HTR1E: variants seen among roughly 807,000 people sequenced by gnomAD.
HTR1E encodes the protein 5-hydroxytryptamine receptor 1E.
Under a neutral mutation model 3.4 loss-of-function variants are expected in HTR1E, and 3 were observed. That is an observed-to-expected ratio of 0.89 (90% CI 0.41 to 2.31). The LOEUF (loss-of-function observed/expected upper bound fraction) is 2.31, where lower values mean the gene tolerates loss of function less well. HTR1E is among the 30% of genes most tolerant of loss of function. HTR1E has a pLI of 0.05. For synonymous variants in HTR1E, 170 were observed against 182.8 expected, an observed-to-expected ratio of 0.93 and a Z score of 0.56; for missense variants, 392 against 467.0, an observed-to-expected ratio of 0.84 and a Z score of 1.48.
At chr6:86,972,943 G>GGTTTC (rs1767580562) in intron 1 of HTR1E, among the ~76,000 whole-genome samples, 1 of 152,160 alleles carries the variant, frequency 6.6e-6, no homozygotes, top group African/African-American at 2.4e-5. Context: ...GGCAGATTAG[G>GGTTTC]TAAACAGCCC....
At chr6:86,967,458 G>A (rs1767486383) in intron 1 of HTR1E, among the ~76,000 whole-genome samples, 1 of 152,102 alleles carries the variant, frequency 6.6e-6, no homozygotes, top group South Asian at 2.1e-4. Flanking sequence ...TAAAAGGTGT[G>A]ATTCAATGGA....
At chr6:86,968,824 C>T (rs1186400536) in intron 1 of HTR1E, among the ~76,000 whole-genome samples, 1 of 151,816 alleles carries the variant, frequency 6.6e-6, no homozygotes, top group Admixed American at 6.6e-5. Context: ...ATTAATCAAT[C>T]TTTTGTGGCC....
intron 1 of HTR1E, among the ~76,000 whole-genome samples, chr6:86,988,403 T>C (rs1255516108): frequency 6.6e-6 from 1 of 152,000 alleles, no homozygotes; most frequent in Admixed American, 6.6e-5. Context: ...TGGATCAGAG[T>C]AAAAGGACTT....
intron 1 of HTR1E, among the ~76,000 whole-genome samples, chr6:86,940,284 C>T (rs1278259430): frequency 6.6e-6 from 1 of 151,936 alleles, no homozygotes; most frequent in Non-Finnish European, 1.5e-5. Flanking sequence ...ACCTGTAATT[C>T]CAACACTTTA....
At chr6:86,999,271 G>T (rs777399365) in intron 1 of HTR1E, among the ~76,000 whole-genome samples, 4 of 151,938 alleles carry the variant, frequency 2.6e-5, no homozygotes, top group Non-Finnish European at 4.4e-5. Flanking sequence ...CAGTTTTGGG[G>T]TTTTTTTGTT....
intron 1 of HTR1E, among the ~76,000 whole-genome samples, chr6:86,975,331 T>A (rs1289558784): frequency 6.6e-6 from 1 of 152,140 alleles, no homozygotes; most frequent in Non-Finnish European, 1.5e-5. Context: ...CTTAAACACT[T>A]CCATATATGT....
chr6:87,009,024 C>T (rs1483952579), intron 1 of HTR1E, among the ~76,000 whole-genome samples: 1 of 150,928 alleles, frequency 6.6e-6, no homozygotes, highest in Non-Finnish European at 1.5e-5. Flanking sequence ...TCTTTTGAGT[C>T]CCTTTTAGTC....
chr6:87,010,477 G>C (rs1427223141), intron 1 of HTR1E, among the ~76,000 whole-genome samples: 3 of 148,138 alleles, frequency 2.0e-5, no homozygotes, highest in South Asian at 2.2e-4. Flanking sequence ...ACGGGGTCTC[G>C]GCCGGGCAGA....
chr6:87,012,085 C>T (rs1216787365), intron 1 of HTR1E, among the ~76,000 whole-genome samples: 1 of 149,240 alleles, frequency 6.7e-6, no homozygotes, highest in Admixed American at 6.6e-5. Flanking sequence ...ATTTCCTAAG[C>T]GTGTTACGGA....
At chr6:87,010,857 G>T (rs1323699364) in intron 1 of HTR1E, among the ~76,000 whole-genome samples, 3 of 152,136 alleles carry the variant, frequency 2.0e-5, no homozygotes, top group Admixed American at 6.5e-5. Flanking sequence ...CTGCCTCCCG[G>T]GCGGCGCTCG....
In HTR1E at chr6:87,007,128, G is replaced by C. The variant is rs183933924; in HGVS notation, c.-185-8022G>C. On this transcript the variant is annotated intron_variant, in intron 1 of 1. Transcript: ENST00000305344. The stretch of plus-strand genomic sequence containing the variant: ...AAATGTAGTGCATATGTACAATCAA[G>C]TACTGTTCAACCATAAAAAAGAATG... Among the ~76,000 whole-genome samples the C allele has an allele frequency of 2.2e-3, 341 of 152,186 alleles. 5 individuals are homozygous for C. The highest frequency in any genetic ancestry group is 7.9e-3 in the African/African-American group (329 of 41,522).
chr6:86,975,103 A>C (rs1026437122), intron 1 of HTR1E, among the ~76,000 whole-genome samples: 1 of 152,182 alleles, frequency 6.6e-6, no homozygotes, highest in Admixed American at 6.5e-5. Flanking sequence ...AGTGCACAAA[A>C]CTTAAAATCA....
chr6:86,994,407 G>A (rs6926547), intron 1 of HTR1E, among the ~76,000 whole-genome samples: 6,394 of 151,762 alleles, frequency 0.042, 200 homozygotes, highest in Non-Finnish European at 0.06. Flanking sequence ...TACCTATCAG[G>A]AGAAAAAAAA....
At chr6:87,010,451 G>A (rs542342307) in intron 1 of HTR1E, among the ~76,000 whole-genome samples, 122 of 147,532 alleles carry the variant, frequency 8.3e-4, no homozygotes, top group African/African-American at 2.6e-3. Flanking sequence ...GGGCAGAGAC[G>A]CTCCTCACCT....
intron 1 of HTR1E, among the ~76,000 whole-genome samples, chr6:87,003,876 T>C (rs1031554028): frequency 2.0e-5 from 3 of 151,836 alleles, no homozygotes; most frequent in Non-Finnish European, 2.9e-5. Flanking sequence ...TTAGTCAAAC[T>C]AAGAAAAGGG....
chr6:87,016,626 C>T lies in HTR1E; in HGVS notation c.*194C>T. 1 of 486,428 alleles carries T rather than the reference C, an allele frequency of 2.1e-6. No homozygotes were observed. Among genetic ancestry groups the T allele is most frequent in the Non-Finnish European group, 3.7e-6 (1 of 273,620 alleles). 30.1% of individuals were successfully genotyped at this position (486,428 alleles called of 1,614,324 possible). ...TGTTATTTGGCGTGCTGTTTTCTAC[C>T]TCTGGTCTTATCTGTGATACATAAT... is the stretch of plus-strand genomic sequence containing the variant. On this transcript the variant is annotated 3_prime_UTR_variant, in exon 2 of 2. Transcript: ENST00000305344.
chr6:86,953,108 GCTCT>G lies in HTR1E; in HGVS notation c.-186+15290_-186+15293del, dbSNP rs370001657. Reference sequence around the variant, plus strand: ...TCTTTACATAGCTTTGTTAACTGTAGCTCTCTCTATTGATGCAATTTCTCTCTTA... The same window carrying G: ...TCTTTACATAGCTTTGTTAACTGTAGCTCTATTGATGCAATTTCTCTCTTA... On this transcript the variant is annotated intron_variant, in intron 1 of 1. Transcript: ENST00000305344. Among the ~76,000 whole-genome samples the G allele has an allele frequency of 3.9e-5, 6 of 152,246 alleles. No homozygotes were observed. In the South Asian group the frequency reaches 8.3e-4, roughly 21 times the overall value.
At chr6:86,977,403 G>T (rs2127824545) in intron 1 of HTR1E, among the ~76,000 whole-genome samples, 1 of 152,234 alleles carries the variant, frequency 6.6e-6, no homozygotes, top group Middle Eastern at 3.4e-3. Context: ...CCCTGTATAT[G>T]TAACACATTT....
intron 1 of HTR1E, among the ~76,000 whole-genome samples, chr6:86,980,433 G>C (rs920259125): frequency 2.0e-5 from 3 of 151,656 alleles, no homozygotes; most frequent in Admixed American, 6.6e-5. Context: ...CAGGGTCATG[G>C]ATGAAGAGGG....
Sources: allele counts gnomAD v4.1 joint callset (sites outside exome capture counted in the v4.1 genomes callset), GRCh38; gene constraint gnomAD v4.1.1; transcripts MANE v1.5; gene names NCBI Gene and HGNC (gene_info 2026-07-23, HGNC 2026-07-21).